ZNF517: variants seen among roughly 807,000 people sequenced by gnomAD.
ZNF517 encodes the protein zinc finger protein 517.
ZNF517 carries 12 observed loss-of-function variants against 12.1 expected under a neutral mutation model. The observed-to-expected ratio is 0.99, with a 90% CI of 0.63 to 1.61. The LOEUF is 1.61. ZNF517 is among the 40% of genes most tolerant of loss of function. ZNF517 has a pLI of 0.00. For synonymous variants in ZNF517, 388 were observed against 310.2 expected (o/e 1.25, Z -2.63); for missense variants, 781 against 693.2 (o/e 1.13, Z -1.42).
chr8:144,810,316 TG>T (rs1004810482), downstream of ZNF517: 14 of 560,534 alleles, frequency 2.5e-5, no homozygotes, highest in Admixed American at 5.5e-5. Flanking sequence ...AACTCCATGA[TG>T]GGGGTGGGAA....
At chr8:144,801,724 A>C (rs1344250563) in intron 1 of ZNF517, among the ~76,000 whole-genome samples, 1 of 152,148 alleles carries the variant, frequency 6.6e-6, no homozygotes, top group Non-Finnish European at 1.5e-5. Flanking sequence ...TGGCCAAAAA[A>C]GTGTTAAATT....
rs1563812826 is a variant in ZNF517 at position 144,809,876 on chromosome 8, A to G, written c.*1481A>G. Reference sequence around the variant, plus strand: ...AGACCAGCCTGGCCAACATGGTGAGACCCCCGTCTCTACTAAAAGTACAAA... The same window carrying G: ...AGACCAGCCTGGCCAACATGGTGAGGCCCCCGTCTCTACTAAAAGTACAAA... On this transcript the variant is annotated 3_prime_UTR_variant, in exon 5 of 5. Coordinates refer to ENST00000359971, the MANE Select transcript of ZNF517 (RefSeq NM_213605.3). The G allele has an allele frequency of 6.7e-6, 2 of 299,768 alleles. No homozygotes were observed. Among genetic ancestry groups the G allele is most frequent in the Non-Finnish European group, 1.2e-5 (2 of 163,508 alleles). The allele number at this position is 299,768 out of a possible 1,614,324, so 18.6% of individuals were successfully genotyped here. A position where few individuals can be genotyped will look rare whatever the true frequency, so the allele number is the denominator to read the frequency against.
At chr8:144,811,798 G>A (rs1453296151), downstream of ZNF517, among the ~76,000 whole-genome samples, 7 of 131,658 alleles carry the variant, frequency 5.3e-5, no homozygotes, top group South Asian at 5.2e-4. Context: ...GCTGAGACAG[G>A]GTGGGAGAGA....
chr8:144,813,299 G>C (rs1376441066), downstream of ZNF517, among the ~76,000 whole-genome samples: 1 of 130,310 alleles, frequency 7.7e-6, no homozygotes, highest in Non-Finnish European at 1.5e-5. Flanking sequence ...CTGGATGACA[G>C]AGCCGGACTC....
chr8:144,800,716 A>G (rs1826917044), intron 1 of ZNF517: 1 of 984,552 alleles, frequency 1.0e-6, no homozygotes, highest in South Asian at 4.7e-5. Context: ...TGCAGGGGTG[A>G]TTCACGAATC....
rs2976649 is a variant in ZNF517, at chr8:144,802,931, C to T, written c.17C>T (p.Pro6Leu). 2,180 of 1,613,872 alleles carry T rather than the reference C, an allele frequency of 1.4e-3. 33 individuals carry two copies. In the African/African-American group the frequency reaches 0.025, roughly 19 times the overall value. Reference protein sequence around the residue: MAMALPMPGPQEAVVF... With the variant: MAMALLMPGPQEAVVF... ...GACCCTGGAATGGCGATGGCACTCCCGATGCCTGGACCTCAGGTGAGCACC... is the reference window on the plus strand; with the variant it reads ...GACCCTGGAATGGCGATGGCACTCCTGATGCCTGGACCTCAGGTGAGCACC... Residue 6 changes from proline (P) to leucine (L), a missense_variant, in exon 2 of 5, where the codon CCG becomes CTG. Coordinates refer to ENST00000359971, the MANE Select transcript of ZNF517 (RefSeq NM_213605.3).
Position 144,809,939 on chromosome 8 carries a change from G to T in ZNF517, c.*1544G>T. On this transcript the variant is annotated 3_prime_UTR_variant, in exon 5 of 5. Transcript: ENST00000359971. ...GTGGTGCTGGGTGCCTGTAATCCCA[G>T]CTACTCGGGAGGCTGAAGCAGGAGA... 2.4e-6 allele frequency: 1 copy of T among 413,654 alleles called. No individual in the cohort carries two copies. Among genetic ancestry groups the T allele is most frequent in the Non-Finnish European group, 4.3e-6 (1 of 230,560 alleles). The allele number at this position is 413,654 out of a possible 1,614,324, so 25.6% of individuals were successfully genotyped here.
At chr8:144,799,187 G>A (rs1563805288) in intron 1 of ZNF517, among the ~76,000 whole-genome samples, 1 of 152,198 alleles carries the variant, frequency 6.6e-6, no homozygotes, top group African/African-American at 2.4e-5. Flanking sequence ...CGCCGAGCCG[G>A]ACGGTTGCGC....
In ZNF517 at chr8:144,804,195, G is replaced by GC. The variant is rs1563808003; in HGVS notation, c.232dup (p.Gln78ProfsTer4). On this transcript the variant is annotated frameshift_variant, in exon 4 of 5. Transcript: ENST00000359971. LOFTEE classifies it low-confidence loss of function (END_TRUNC). ...GAGAGGAGCCGGGGGCCTTGATTCTGCAGGTGGCTGAACAGAGCGTGGCCA... is the reference window on the plus strand; with the variant it reads ...GAGAGGAGCCGGGGGCCTTGATTCTGCCAGGTGGCTGAACAGAGCGTGGCCA... The GC allele has an allele frequency of 1.9e-6, 3 of 1,614,116 alleles. No individual in the cohort carries two copies. Among genetic ancestry groups the GC allele is most frequent in the Non-Finnish European group, 2.5e-6 (3 of 1,179,986 alleles).
intron 4 of ZNF517, among the ~76,000 whole-genome samples, chr8:144,805,178 C>T (rs370087774): frequency 1.9e-4 from 29 of 152,242 alleles, no homozygotes; most frequent in Non-Finnish European, 4.1e-4. Context: ...CAGGCACTGG[C>T]GTTACCGCTA....
chr8:144,801,912 A>T (rs1267687337), intron 1 of ZNF517, among the ~76,000 whole-genome samples: 3 of 152,132 alleles, frequency 2.0e-5, no homozygotes, highest in Non-Finnish European at 4.4e-5. Flanking sequence ...ATGCGCCTGT[A>T]GTTCCAGCTA....
intron 3 of ZNF517, 123 bp downstream of exon 3, chr8:144,803,890 A>C (rs1351481841): frequency 7.2e-7 from 1 of 1,397,594 alleles, no homozygotes; most frequent in African/African-American, 1.4e-5. Flanking sequence ...AGGCTCCCCA[A>C]GGAGCCCCTC....
intron 4 of ZNF517, 23 bp from the exon 5 acceptor site, chr8:144,807,168 C>G (rs202118704): frequency 1.3e-5 from 20 of 1,513,620 alleles, no homozygotes; most frequent in Middle Eastern, 1.8e-4. Flanking sequence ...GATCATCCTT[C>G]CGTTTTCTGT....
At chr8:144,803,421 C>G (rs949041374) in intron 2 of ZNF517, 1 of 576,600 alleles carries the variant, frequency 1.7e-6, no homozygotes, top group Non-Finnish European at 3.0e-6. Context: ...ATCTCTCTCC[C>G]TCCCCCAAGT....
At chr8:144,804,027 C>A in intron 3 of ZNF517, 98 bp from the exon 4 acceptor site, 1 of 1,270,846 alleles carries the variant, frequency 7.9e-7, no homozygotes. Context: ...TCCTGACCCA[C>A]TCCAAGCACT....
rs1310912787 is a variant in ZNF517 at position 144,809,368 on chromosome 8, G to A, written c.*973G>A. On this transcript the variant is annotated 3_prime_UTR_variant, in exon 5 of 5. Coordinates refer to ENST00000359971, the MANE Select transcript of ZNF517 (RefSeq NM_213605.3). ...TGTACTTGGCAGCTGGCGAAGCATT[G>A]TTTCTGAGTGTGTGAGGATGTTTTC... 1.3e-5 allele frequency: 2 copies of A among 152,208 alleles called. No individual in the cohort carries two copies. Among genetic ancestry groups the A allele is most frequent in the African/African-American group, 2.4e-5 (1 of 41,458 alleles). The allele number at this position is 152,208 out of a possible 1,614,324, so 9.4% of individuals were successfully genotyped here.
chr8:144,810,513 G>T (rs767337338), downstream of ZNF517: 12 of 357,672 alleles, frequency 3.4e-5, no homozygotes, highest in Non-Finnish European at 6.0e-5. Context: ...GGGGGAGGCT[G>T]AAGGGTTGTC....
rs976912122 is a variant in ZNF517 at position 144,808,412 on chromosome 8, C to G, written c.*17C>G. 3.5e-6 allele frequency: 5 copies of G among 1,448,596 alleles called. No individual in the cohort carries two copies. The Admixed American group carries it at 1.4e-4, about 42-fold the overall frequency. The allele number at this position is 1,448,596 out of a possible 1,614,324, so 89.7% of individuals were successfully genotyped here. ...GCTTCCTGATGACGGGGACGACAGGCCGAGGATTCACGCTGGAAGCCCACC... is the reference window on the plus strand; with the variant it reads ...GCTTCCTGATGACGGGGACGACAGGGCGAGGATTCACGCTGGAAGCCCACC... On this transcript the variant is annotated 3_prime_UTR_variant, in exon 5 of 5. Coordinates refer to ENST00000359971, the MANE Select transcript of ZNF517 (RefSeq NM_213605.3).
rs190775006 is a variant in ZNF517 at position 144,802,247 on chromosome 8, C to T, written c.-45-623C>T. ...TCATTTCATAATGAGCAATGTTGCC[C>T]AGGCCGGAGTGCAATGGTGCAACCT... is the stretch of plus-strand genomic sequence containing the variant. On this transcript the variant is annotated intron_variant, in intron 1 of 4. Transcript: ENST00000359971. Among the ~76,000 whole-genome samples, 129 of 152,254 alleles carry T rather than the reference C, an allele frequency of 8.5e-4. 1 individual carries two copies. The highest frequency in any genetic ancestry group is 3.0e-3 in the African/African-American group (125 of 41,542).
Sources: gnomAD v4.1 joint callset for allele counts (sites outside exome capture counted in the v4.1 genomes callset) on GRCh38, gnomAD v4.1.1 for gene constraint, MANE v1.5 for transcripts, NCBI Gene and HGNC (gene_info 2026-07-23, HGNC 2026-07-21) for gene names.